DMXL1: variants seen among roughly 807,000 people sequenced by gnomAD.
The protein encoded by DMXL1 is Dmx like 1.
Under a neutral mutation model 319.2 loss-of-function variants are expected in DMXL1, and 99 were observed. That is an observed-to-expected ratio of 0.31 (90% CI 0.26 to 0.37). DMXL1 has a LOEUF of 0.37. Ranked by LOEUF, DMXL1 falls within the 10% of genes least tolerant of loss-of-function variation. The pLI is 1.00. For synonymous variants in DMXL1, 1,385 were observed against 1,235.2 expected, an observed-to-expected ratio of 1.12 and a Z score of -2.54; for missense variants, 3,745 against 3,595.6, an observed-to-expected ratio of 1.04 and a Z score of -1.06.
At chr5:119,126,990 C>A in intron 9 of DMXL1, 1 of 166,994 alleles carries the variant, frequency 6.0e-6, no homozygotes, top group South Asian at 1.8e-4. Flanking sequence ...TCTTGAACGC[C>A]TGCTTCATCT....
intron 3 of DMXL1, 89 bp downstream of exon 3, chr5:119,102,095 G>A: frequency 1.3e-6 from 1 of 794,252 alleles, no homozygotes. Flanking sequence ...GAGTAAATCG[G>A]TATTACTTAT....
chr5:119,096,648 G>C (rs1446869448), intron 1 of DMXL1, among the ~76,000 whole-genome samples: 1 of 152,042 alleles, frequency 6.6e-6, no homozygotes, highest in African/African-American at 2.4e-5. Context: ...ACCCTGTAAT[G>C]GAAAAAACTC....
Position 119,196,961 on chromosome 5 carries a change from C to T in DMXL1, c.7543+505C>T, listed in dbSNP as rs181416764. Among the ~76,000 whole-genome samples the T allele has an allele frequency of 3.9e-5, 6 of 151,906 alleles. No individual in the cohort carries two copies. In the East Asian group the frequency reaches 5.8e-4, roughly 15 times the overall value. On this transcript the variant is annotated intron_variant, in intron 31 of 43. Transcript: ENST00000539542. ...ACAGAGGAGTTTATTCTCATTATGC[C>T]GTAGTAGTAAATCAGTAGGTCATTT...
chr5:119,190,542 A>T (rs187489187), intron 29 of DMXL1, among the ~76,000 whole-genome samples: 1 of 152,220 alleles, frequency 6.6e-6, no homozygotes, highest in Admixed American at 6.5e-5. Flanking sequence ...TGATAAATCC[A>T]TATGATAGTG....
At chr5:119,245,952 A>G (rs2150769242) in intron 43 of DMXL1, among the ~76,000 whole-genome samples, 1 of 152,258 alleles carries the variant, frequency 6.6e-6, no homozygotes, top group South Asian at 2.1e-4. Context: ...TAATTTAACA[A>G]ATTCATATGC....
At position 119,089,999 on chromosome 5, in the gene DMXL1, C is replaced by CTTTTTTTTTTT. The variant is rs70982467; in HGVS notation, c.88-7952_88-7942dup. On this transcript the variant is annotated intron_variant, in intron 1 of 43. Transcript: ENST00000539542. Reference sequence around the variant, plus strand: ...TGATTATTTTATGCTTCGGGTTAGTCTTTTTTTTTTTTTTTTTTTTTTTTT... The same window carrying CTTTTTTTTTTT: ...TGATTATTTTATGCTTCGGGTTAGTCTTTTTTTTTTTTTTTTTTTTTTTTTTTTTTTTTTTT... Among the ~76,000 whole-genome samples, 101 of 34,396 alleles carry CTTTTTTTTTTT rather than the reference C, an allele frequency of 2.9e-3. 33 individuals are homozygous for CTTTTTTTTTTT. Among genetic ancestry groups the CTTTTTTTTTTT allele is most frequent in the East Asian group, 4.6e-3 (3 of 656 alleles). The allele number at this position is 34,396 out of a possible 152,430, so 22.6% of individuals were successfully genotyped here.
In DMXL1 at chr5:119,149,484, A is replaced by G; in HGVS notation, c.3657A>G (p.Leu1219=). 6.2e-7 allele frequency: 1 copy of G among 1,613,870 alleles called. No individual in the cohort carries two copies. The highest frequency in any genetic ancestry group is 2.2e-5 in the East Asian group (1 of 44,868). ...GCTCCCCACCTTTTCCTGTTTCTTT[A>G]TCGTGGGTCCGGGATGGCATCCTTG... ...VDGSPPFPVS[L]SWVRDGILVV... Residue 1219 remains leucine, a synonymous_variant, in exon 18 of 44, where the codon TTA becomes TTG. Transcript: ENST00000539542.
At chr5:119,160,353 T>A (rs768554774) in intron 19 of DMXL1, among the ~76,000 whole-genome samples, 2 of 152,216 alleles carry the variant, frequency 1.3e-5, no homozygotes, top group Non-Finnish European at 2.9e-5. Context: ...CCAAGATTTC[T>A]CCTGTTATTT....
rs778785715 is a variant in DMXL1 at position 119,197,971 on chromosome 5, G to A, written c.7745+15G>A. The A allele has an allele frequency of 9.3e-6, 15 of 1,613,140 alleles. No homozygotes were observed. Among genetic ancestry groups the A allele is most frequent in the Middle Eastern group, 3.3e-4 (2 of 6,080 alleles). On this transcript the variant is annotated intron_variant, in intron 32 of 43. Coordinates refer to ENST00000539542, the MANE Select transcript of DMXL1 (RefSeq NM_001290321.3). ...ACTCCTTTCAAGTAGGTTTTCTTATGAATGCTATTTGGGTTTTTTTGTTTG... is the reference window on the plus strand; with the variant it reads ...ACTCCTTTCAAGTAGGTTTTCTTATAAATGCTATTTGGGTTTTTTTGTTTG...
In DMXL1 at chr5:119,071,272, G is replaced by C. The variant is rs1749467002; in HGVS notation, c.-298G>C. The stretch of plus-strand genomic sequence containing the variant: ...CTTCCTGGCCGGTGAGTCGGCCCCG[G>C]GTCGTGGCCGGTGAGGGGACCCTGA... On this transcript the variant is annotated 5_prime_UTR_variant, in exon 1 of 44. Transcript: ENST00000539542. 1 of 402,530 alleles carries C rather than the reference G, an allele frequency of 2.5e-6. No individual in the cohort carries two copies. Among genetic ancestry groups the C allele is most frequent in the South Asian group, 2.4e-5 (1 of 41,812 alleles). 24.9% of individuals were successfully genotyped at this position (402,530 alleles called of 1,614,324 possible).
rs914781853 is a variant in DMXL1 at position 119,101,923 on chromosome 5, T to C, written c.214-12T>C. 1 of 1,573,682 alleles carries C rather than the reference T, an allele frequency of 6.4e-7. No individual in the cohort carries two copies. Among genetic ancestry groups the C allele is most frequent in the Non-Finnish European group, 8.6e-7 (1 of 1,156,092 alleles). ...ACATATCCCTAATAAATTCTTTTTT[T>C]CTTTTTAAAAGATTGCAGCGTCTTA... is the stretch of plus-strand genomic sequence containing the variant. On this transcript the variant is annotated splice_polypyrimidine_tract_variant and intron_variant, in intron 2 of 43. Transcript: ENST00000539542.
At chr5:119,198,077 C>T (rs147098038) in intron 32 of DMXL1, 121 bp downstream of exon 32, 6 of 898,226 alleles carry the variant, frequency 6.7e-6, no homozygotes, top group Non-Finnish European at 1.0e-5. Context: ...CAGCCTCTGC[C>T]TCCTGGGTTC....
intron 32 of DMXL1, among the ~76,000 whole-genome samples, chr5:119,198,274 C>T (rs925186548): frequency 6.6e-6 from 1 of 152,214 alleles, no homozygotes; most frequent in East Asian, 1.9e-4. Context: ...CAGGCGTGAG[C>T]CACCGCACCT....
chr5:119,089,793 A>G (rs1561551345), intron 1 of DMXL1, among the ~76,000 whole-genome samples: 2 of 148,862 alleles, frequency 1.3e-5, no homozygotes, highest in African/African-American at 2.5e-5. Context: ...TACCCAGCTA[A>G]TTTTGTATTT....
chr5:119,197,731 T>TA, intron 31 of DMXL1, 24 bp from the exon 32 acceptor site: 1 of 1,607,344 alleles, frequency 6.2e-7, no homozygotes, highest in Non-Finnish European at 8.5e-7. Flanking sequence ...ATAAGATTAA[T>TA]ATGAGTCAAT....
intron 34 of DMXL1, among the ~76,000 whole-genome samples, chr5:119,214,346 C>T (rs1193252601): frequency 6.6e-6 from 1 of 152,220 alleles, no homozygotes; most frequent in Non-Finnish European, 1.5e-5. Context: ...CCTAATCCAA[C>T]CCACTATGAT....
intron 38 of DMXL1, 67 bp downstream of exon 38, chr5:119,224,836 T>C (rs919107734): frequency 8.4e-6 from 6 of 715,060 alleles, no homozygotes; most frequent in African/African-American, 7.4e-5. Context: ...AATTTTATTA[T>C]AAGAAATGTG....
intron 41 of DMXL1, among the ~76,000 whole-genome samples, chr5:119,239,878 A>G (rs922852239): frequency 2.0e-5 from 3 of 149,396 alleles, no homozygotes; most frequent in South Asian, 4.2e-4. Context: ...AATCGCTTGA[A>G]CCTGGGAGGC....
intron 28 of DMXL1, among the ~76,000 whole-genome samples, chr5:119,186,230 A>C (rs2150354125): frequency 6.6e-6 from 1 of 152,298 alleles, no homozygotes; most frequent in African/African-American, 2.4e-5. Flanking sequence ...ATTGAGAAAT[A>C]GAGAGTGAGA....
Sources: gnomAD v4.1 joint callset for allele counts (sites outside exome capture counted in the v4.1 genomes callset) on GRCh38, gnomAD v4.1.1 for gene constraint, MANE v1.5 for transcripts, NCBI Gene and HGNC (gene_info 2026-07-23, HGNC 2026-07-21) for gene names.